The following CSGALNACT1 variants were observed in gnomAD, a reference collection of about 807,000 sequenced individuals.
CSGALNACT1 encodes the protein chondroitin sulfate N-acetylgalactosaminyltransferase 1, also known as beta4GalNAcT-1.
CSGALNACT1 carries 52 observed loss-of-function variants against 51.0 expected under a neutral mutation model. The observed-to-expected ratio is 1.02, with a 90% CI of 0.82 to 1.29. The LOEUF is 1.29. CSGALNACT1 is among the 50% of genes most tolerant of loss of function. CSGALNACT1 has a pLI of 0.00. For missense variants in CSGALNACT1, 935 were observed against 679.2 expected, an observed-to-expected ratio of 1.38 and a Z score of -4.19; for synonymous variants, 341 against 254.4, an observed-to-expected ratio of 1.34 and a Z score of -3.24.
At position 19,541,442 on chromosome 8, in the gene CSGALNACT1, T is replaced by TG. The variant is rs565011578; in HGVS notation, c.-296-35313dup. On this transcript the variant is annotated intron_variant, in intron 3 of 9. Coordinates refer to ENST00000454498, the Ensembl canonical transcript of CSGALNACT1. ...ATTTTTTTTGTATTTTTAGTAGAGA[T>TG]GGGGTTTCACTATGTTAGCCAGGAT... Among the ~76,000 whole-genome samples the TG allele has an allele frequency of 2.7e-5, 4 of 150,784 alleles. No homozygotes were observed. In the East Asian group the frequency reaches 7.8e-4, roughly 29 times the overall value.
At chr8:19,616,747 C>G (rs372929192) in intron 1 of CSGALNACT1, among the ~76,000 whole-genome samples, 1 of 152,118 alleles carries the variant, frequency 6.6e-6, no homozygotes, top group African/African-American at 2.4e-5. Context: ...CACCTTCCAC[C>G]GTAAGTAAAA....
chr8:19,728,494 T>C (rs760998632), intron 1 of CSGALNACT1, among the ~76,000 whole-genome samples: 3 of 152,174 alleles, frequency 2.0e-5, no homozygotes, highest in Non-Finnish European at 4.4e-5. Context: ...GAAGATAGAA[T>C]TTCATTTTAA....
intron 9 of CSGALNACT1, among the ~76,000 whole-genome samples, chr8:19,407,908 TGTG>T (rs1563251281): frequency 2.1e-5 from 1 of 47,002 alleles, no homozygotes; most frequent in Non-Finnish European, 4.1e-5. Flanking sequence ...ATATGAATTG[TGTG>T]TGTGTGTGTG....
At chr8:19,636,340 T>C (rs1042541158) in intron 1 of CSGALNACT1, among the ~76,000 whole-genome samples, 6 of 152,180 alleles carry the variant, frequency 3.9e-5, no homozygotes, top group African/African-American at 1.2e-4. Context: ...AAAAACACTA[T>C]AATATATATT....
intron 6 of CSGALNACT1, among the ~76,000 whole-genome samples, chr8:19,425,308 T>A (rs1563328322): frequency 6.6e-6 from 1 of 152,316 alleles, no homozygotes; most frequent in East Asian, 1.9e-4. Context: ...GCCATTGTGC[T>A]CTAACTTGGG....
upstream of CSGALNACT1, among the ~76,000 whole-genome samples, chr8:19,686,195 G>A (rs1333789398): frequency 6.6e-6 from 1 of 152,130 alleles, no homozygotes; most frequent in Non-Finnish European, 1.5e-5. Flanking sequence ...CCCAAAAGCA[G>A]AGCCAAAGAG....
At chr8:19,547,055 C>G (rs2086641832) in intron 3 of CSGALNACT1, among the ~76,000 whole-genome samples, 1 of 152,190 alleles carries the variant, frequency 6.6e-6, no homozygotes, top group African/African-American at 2.4e-5. Flanking sequence ...ACAGTAGACT[C>G]TCCTGGGTTT....
intron 3 of CSGALNACT1, among the ~76,000 whole-genome samples, chr8:19,552,814 A>G (rs1395088861): frequency 6.6e-6 from 1 of 152,204 alleles, no homozygotes; most frequent in East Asian, 1.9e-4. Context: ...ATAAGAACAG[A>G]ATGTAAAGAA....
chr8:19,412,658 T>A (rs941574253), intron 8 of CSGALNACT1, among the ~76,000 whole-genome samples: 1 of 152,174 alleles, frequency 6.6e-6, no homozygotes, highest in Non-Finnish European at 1.5e-5. Flanking sequence ...AGGGCCCCCA[T>A]ACATGGAAGG....
At chr8:19,517,254 A>G (rs143638123) in intron 3 of CSGALNACT1, among the ~76,000 whole-genome samples, 134 of 152,300 alleles carry the variant, frequency 8.8e-4, no homozygotes, top group African/African-American at 3.1e-3. Context: ...CAGCCTGACC[A>G]ACATGGAGAA....
At position 19,505,196 on chromosome 8, in the gene CSGALNACT1, C is replaced by G. The variant is rs200374988; in HGVS notation, c.634+5G>C. The G allele has an allele frequency of 1.1e-3, 1,727 of 1,614,150 alleles. No homozygotes were observed. Among genetic ancestry groups the G allele is most frequent in the Non-Finnish European group, 1.4e-3 (1,652 of 1,180,010 alleles). ...TCCTTTCCCCCCAATTCACAAAATG[C>G]TAACCTTCTATGAAATCAGAGGCCG... On this transcript the variant is annotated splice_donor_5th_base_variant and intron_variant, in intron 4 of 9. Coordinates refer to ENST00000454498, the Ensembl canonical transcript of CSGALNACT1.
intron 2 of CSGALNACT1, among the ~76,000 whole-genome samples, chr8:19,592,352 G>T (rs756701998): frequency 2.0e-5 from 3 of 152,144 alleles, no homozygotes; most frequent in African/African-American, 7.2e-5. Flanking sequence ...GCAGGAAAGG[G>T]CTATGATGTA....
intron 1 of CSGALNACT1, among the ~76,000 whole-genome samples, chr8:19,647,558 T>G (rs1043764336): frequency 9.9e-5 from 15 of 152,242 alleles, no homozygotes. Flanking sequence ...CCAAATGGAT[T>G]ACAAATGTGC....
intron 3 of CSGALNACT1, among the ~76,000 whole-genome samples, chr8:19,574,360 A>G (rs1012178169): frequency 2.0e-5 from 3 of 152,208 alleles, no homozygotes; most frequent in African/African-American, 7.2e-5. Flanking sequence ...CAACTTCCAC[A>G]GCCTCTTGGA....
At chr8:19,519,011 C>T (rs759659220) in intron 3 of CSGALNACT1, among the ~76,000 whole-genome samples, 62 of 152,284 alleles carry the variant, frequency 4.1e-4, no homozygotes, top group Admixed American at 3.5e-3. Context: ...GGGGAACTGA[C>T]GATGAGAAAC....
At chr8:19,480,044 A>G (rs2070924643) in intron 4 of CSGALNACT1, among the ~76,000 whole-genome samples, 1 of 152,204 alleles carries the variant, frequency 6.6e-6, no homozygotes, top group African/African-American at 2.4e-5. Context: ...AAATAACTAC[A>G]ACAATGCATA....
chr8:19,440,747 G>T (rs1563408237), intron 5 of CSGALNACT1, among the ~76,000 whole-genome samples: 1 of 151,694 alleles, frequency 6.6e-6, no homozygotes, highest in Non-Finnish European at 1.5e-5. Flanking sequence ...GAAATAAAGG[G>T]CATTCAATTA....
intron 1 of CSGALNACT1, among the ~76,000 whole-genome samples, chr8:19,669,824 T>C (rs2059652885): frequency 6.6e-6 from 1 of 152,178 alleles, no homozygotes; most frequent in Non-Finnish European, 1.5e-5. Context: ...CAACATTAAT[T>C]TGCATGCTGA....
chr8:19,446,273 C>G (rs17407449), intron 5 of CSGALNACT1, among the ~76,000 whole-genome samples: 14,515 of 152,182 alleles, frequency 0.095, 766 homozygotes, highest in Non-Finnish European at 0.12. Context: ...TTATTCATAC[C>G]TGGACACATG....
Sources: allele counts gnomAD v4.1 joint callset (sites outside exome capture counted in the v4.1 genomes callset), GRCh38; gene constraint gnomAD v4.1.1; transcripts MANE v1.5; gene names NCBI Gene and HGNC (gene_info 2026-07-23, HGNC 2026-07-21).